The following NOTCH2NLC variants were observed in gnomAD, a reference collection of about 807,000 sequenced individuals.
NOTCH2NLC encodes the protein notch 2 N-terminal like C, also known as notch homolog 2 N-terminal-like protein C.
A neutral mutation model predicts 17.7 loss-of-function variants in NOTCH2NLC; 4 were observed. That is an observed-to-expected ratio of 0.23 (90% confidence interval 0.11 to 0.52). The LOEUF is 0.52. Ranked by LOEUF, NOTCH2NLC falls within the 20% of genes least tolerant of loss-of-function variation. The pLI is 0.96. For synonymous variants in NOTCH2NLC, 18 were observed against 86.0 expected (o/e 0.21, Z 4.38); for missense variants, 57 against 207.2 (o/e 0.28, Z 4.45).
chr1:149,424,888 G>C (rs2084404416), intron 1 of NOTCH2NLC, among the ~76,000 whole-genome samples: 1 of 151,138 alleles, frequency 6.6e-6, no homozygotes, highest in South Asian at 2.1e-4. Flanking sequence ...AGCTCACATG[G>C]TAGCGAGAAC....
Position 149,467,760 on chromosome 1 carries a change from T to C in NOTCH2NLC, c.*3607T>C. The C allele has an allele frequency of 1.2e-5, 1 of 83,396 alleles. No individual in the cohort carries two copies. The highest frequency in any genetic ancestry group is 2.4e-5 in the Non-Finnish European group (1 of 40,906). The allele number at this position is 83,396 out of a possible 1,614,324, so 5.2% of individuals were successfully genotyped here. On this transcript the variant is annotated 3_prime_UTR_variant, in exon 5 of 5. Transcript: ENST00000650865. The stretch of plus-strand genomic sequence containing the variant: ...TGTGTTTGTGGCTATTTTAATAGAG[T>C]AGCACAAGTAATCAAAAAACAGTAG...
chr1:149,410,274 A>G (rs2084291619), intron 1 of NOTCH2NLC, among the ~76,000 whole-genome samples: 1 of 149,082 alleles, frequency 6.7e-6, no homozygotes, highest in African/African-American at 2.5e-5. Context: ...CTTATTTTTC[A>G]AAGGCACCCT....
intron 2 of NOTCH2NLC, among the ~76,000 whole-genome samples, chr1:149,446,711 A>T (rs1200211247): frequency 1.1e-5 from 1 of 87,774 alleles, no homozygotes; most frequent in Non-Finnish European, 2.2e-5. Flanking sequence ...TAGAGTTTAA[A>T]ATGGAAAAAT....
At chr1:149,449,616 A>T (rs2084579973) in intron 2 of NOTCH2NLC, among the ~76,000 whole-genome samples, 1 of 151,176 alleles carries the variant, frequency 6.6e-6, no homozygotes, top group South Asian at 2.1e-4. Context: ...AGAGAGACAA[A>T]GTTTGTTCTT....
chr1:149,416,981 C>T (rs1431694258), intron 1 of NOTCH2NLC, among the ~76,000 whole-genome samples: 3 of 141,534 alleles, frequency 2.1e-5, no homozygotes, highest in South Asian at 2.3e-4. Flanking sequence ...GCTGATCTTT[C>T]GTGTAAATGT....
At chr1:149,416,672 A>G (rs1269820530) in intron 1 of NOTCH2NLC, among the ~76,000 whole-genome samples, 357 of 142,894 alleles carry the variant, frequency 2.5e-3, no homozygotes, top group Middle Eastern at 0.019. Context: ...AAGAGATGGT[A>G]TCTTGTCAGT....
intron 1 of NOTCH2NLC, among the ~76,000 whole-genome samples, chr1:149,402,440 GTC>G: frequency 7.6e-6 from 1 of 132,294 alleles, no homozygotes. Context: ...ATTATTATGT[GTC>G]TGTCATTCTG....
At position 149,446,550 on chromosome 1, in the gene NOTCH2NLC, C is replaced by G. The variant is rs1191771766; in HGVS notation, c.210-8768C>G. On this transcript the variant is annotated intron_variant, in intron 2 of 4. Transcript: ENST00000650865. ...CACCATGTTGCCCGTGTTGCCTAGG[C>G]AGGTCTCGAACTTCCGCTCTAGCAA... is the stretch of plus-strand genomic sequence containing the variant. Among the ~76,000 whole-genome samples the G allele has an allele frequency of 1.1e-4, 17 of 150,652 alleles. 1 individual carries two copies. Among genetic ancestry groups the G allele is most frequent in the Admixed American group, 6.6e-5 (1 of 15,104 alleles).
At position 149,454,672 on chromosome 1, in the gene NOTCH2NLC, C is replaced by T. The variant is rs1353700976; in HGVS notation, c.210-646C>T. Among the ~76,000 whole-genome samples, 121 of 151,012 alleles carry T rather than the reference C, an allele frequency of 8.0e-4. 7 individuals are homozygous for T. Among genetic ancestry groups the T allele is most frequent in the Admixed American group, 2.6e-4 (4 of 15,144 alleles). On this transcript the variant is annotated intron_variant, in intron 2 of 4. Transcript: ENST00000650865. ...AATATTAACAGATTTTTAAATATCC[C>T]TTTGAACTCTTCCCCATTCCTGTAC...
intron 1 of NOTCH2NLC, among the ~76,000 whole-genome samples, chr1:149,419,252 G>A (rs1328447802): frequency 6.7e-6 from 1 of 150,342 alleles, no homozygotes; most frequent in Non-Finnish European, 1.5e-5. Flanking sequence ...AAGCTGGAGA[G>A]AAATCTTTTG....
At chr1:149,392,902 T>C (rs1344267192) in intron 1 of NOTCH2NLC, among the ~76,000 whole-genome samples, 1 of 149,852 alleles carries the variant, frequency 6.7e-6, no homozygotes, top group African/African-American at 2.5e-5. Context: ...AAACCCCGTC[T>C]CTACTAAAAA....
Position 149,433,764 on chromosome 1 carries a change from C to T in NOTCH2NLC, c.209+2749C>T, listed in dbSNP as rs1409953135. 1.1e-4 allele frequency among the ~76,000 whole-genome samples: 16 copies of T among 149,508 alleles called. 1 individual carries two copies. In the East Asian group the frequency reaches 1.8e-3, roughly 17 times the overall value. ...AGGTTGGAGACCATCCTGGCTAACA[C>T]GGTGAAATCCCATCTCTACTAAAAA... On this transcript the variant is annotated intron_variant, in intron 2 of 4. Coordinates refer to ENST00000650865, the MANE Select transcript of NOTCH2NLC (RefSeq NM_001364013.2).
Position 149,413,166 on chromosome 1 carries a change from C to G in NOTCH2NLC, c.136-17776C>G, listed in dbSNP as rs1345669475. The stretch of plus-strand genomic sequence containing the variant: ...CAAATGATCCACCTGCCTCAGCCTC[C>G]CAGAGTGCTGGGATTACAGGTGTTA... On this transcript the variant is annotated intron_variant, in intron 1 of 4. Coordinates refer to ENST00000650865, the MANE Select transcript of NOTCH2NLC (RefSeq NM_001364013.2). 2.0e-5 allele frequency among the ~76,000 whole-genome samples: 3 copies of G among 150,630 alleles called. 1 individual carries two copies. The highest frequency in any genetic ancestry group is 4.5e-5 in the Non-Finnish European group (3 of 67,406).
At chr1:149,401,954 C>T (rs2084248789) in intron 1 of NOTCH2NLC, among the ~76,000 whole-genome samples, 1 of 130,706 alleles carries the variant, frequency 7.7e-6, no homozygotes, top group Non-Finnish European at 1.6e-5. Context: ...TATTCTTACA[C>T]AATGATCTCC....
At chr1:149,427,156 T>A (rs2084417408) in intron 1 of NOTCH2NLC, among the ~76,000 whole-genome samples, 1 of 151,376 alleles carries the variant, frequency 6.6e-6, no homozygotes, top group Admixed American at 6.6e-5. Context: ...ATTTACTCTC[T>A]TAGCAATTTT....
chr1:149,423,700 T>C (rs1263731240), intron 1 of NOTCH2NLC, among the ~76,000 whole-genome samples: 12 of 148,966 alleles, frequency 8.1e-5, no homozygotes, highest in Middle Eastern at 3.5e-3. Flanking sequence ...AGAGCCTGTA[T>C]AACTCCTCTT....
intron 1 of NOTCH2NLC, among the ~76,000 whole-genome samples, chr1:149,423,962 A>G (rs1337114624): frequency 1.3e-5 from 2 of 150,376 alleles, no homozygotes; most frequent in African/African-American, 4.9e-5. Flanking sequence ...TACAGACTTA[A>G]TTACTCATGT....
intron 2 of NOTCH2NLC, among the ~76,000 whole-genome samples, chr1:149,447,421 AT>A (rs2084560822): frequency 7.1e-6 from 1 of 141,424 alleles, no homozygotes; most frequent in Non-Finnish European, 1.5e-5. Flanking sequence ...ATCACATGAA[AT>A]TTAGCCTGCT....
At chr1:149,425,402 C>G (rs1483316163) in intron 1 of NOTCH2NLC, among the ~76,000 whole-genome samples, 2 of 151,020 alleles carry the variant, frequency 1.3e-5, no homozygotes, top group South Asian at 4.2e-4. Flanking sequence ...CACAGACATG[C>G]GTGGAGGAAT....
Sources: gnomAD v4.1 joint callset for allele counts (sites outside exome capture counted in the v4.1 genomes callset) on GRCh38, gnomAD v4.1.1 for gene constraint, MANE v1.5 for transcripts, NCBI Gene and HGNC (gene_info 2026-07-23, HGNC 2026-07-21) for gene names.